Variants in SACM1L observed in about 807,000 individuals in gnomAD.
SACM1L encodes phosphatidylinositol-3-phosphatase SAC1.
In SACM1L, 32 loss-of-function variants were observed where a neutral mutation model predicts 89.5. That is an observed-to-expected ratio of 0.36 (90% CI 0.27 to 0.48). The LOEUF (loss-of-function observed/expected upper bound fraction) is 0.48, where lower values mean the gene tolerates loss of function less well. Ranked by LOEUF, SACM1L falls within the 20% of genes least tolerant of loss-of-function variation. The pLI, the probability that SACM1L is intolerant of heterozygous loss-of-function variation, is 0.99. For missense variants in SACM1L, 543 were observed against 708.5 expected (o/e 0.77, Z 2.65); for synonymous variants, 213 against 232.8 (o/e 0.92, Z 0.77).
intron 1 of SACM1L, among the ~76,000 whole-genome samples, chr3:45,697,205 T>C (rs1009889410): frequency 1.3e-5 from 2 of 151,908 alleles, no homozygotes; most frequent in African/African-American, 4.8e-5. Context: ...TCTCGCTGTG[T>C]TGACCAGGCT....
chr3:45,691,411 G>A (rs1284190961), intron 1 of SACM1L, among the ~76,000 whole-genome samples: 1 of 152,150 alleles, frequency 6.6e-6, no homozygotes, highest in African/African-American at 2.4e-5. Flanking sequence ...CTGCCCTAAG[G>A]AGTATTCTTT....
chr3:45,712,053 A>T (rs1698542229), intron 5 of SACM1L, among the ~76,000 whole-genome samples: 1 of 152,204 alleles, frequency 6.6e-6, no homozygotes, highest in Non-Finnish European at 1.5e-5. Context: ...CTATATAATG[A>T]TGAAATAATA....
In SACM1L at chr3:45,718,540, T is replaced by G. The variant is rs186023974; in HGVS notation, c.578-960T>G. Among the ~76,000 whole-genome samples the G allele has an allele frequency of 2.0e-5, 3 of 152,292 alleles. No homozygotes were observed. In the East Asian group the frequency reaches 5.8e-4, roughly 29 times the overall value. ...TTGCCTTTTTGGTCATTTTTAGATGTGTAATTCAGTGAGTGGCATTAATTT... is the reference window on the plus strand; with the variant it reads ...TTGCCTTTTTGGTCATTTTTAGATGGGTAATTCAGTGAGTGGCATTAATTT... On this transcript the variant is annotated intron_variant, in intron 7 of 19. Transcript: ENST00000389061.
At chr3:45,742,118 C>T (rs1430707448) in intron 19 of SACM1L, among the ~76,000 whole-genome samples, 1 of 152,230 alleles carries the variant, frequency 6.6e-6, no homozygotes, top group Non-Finnish European at 1.5e-5. Flanking sequence ...ACCAAGAACT[C>T]TGCTTGAATG....
chr3:45,719,462 T>G, intron 7 of SACM1L, 38 bp from the exon 8 acceptor site: 2 of 1,163,826 alleles, frequency 1.7e-6, no homozygotes, highest in Non-Finnish European at 2.5e-6. Flanking sequence ...ATGCTTATGA[T>G]TTCTATTATA....
At chr3:45,736,603 A>G (rs1319369327) in intron 14 of SACM1L, among the ~76,000 whole-genome samples, 2 of 152,176 alleles carry the variant, frequency 1.3e-5, no homozygotes, top group East Asian at 1.9e-4. Flanking sequence ...GTATTGTGCT[A>G]TGTCCTCGTC....
chr3:45,695,411 C>T (rs1375975125), intron 1 of SACM1L, among the ~76,000 whole-genome samples: 2 of 152,040 alleles, frequency 1.3e-5, no homozygotes, highest in African/African-American at 4.8e-5. Flanking sequence ...CAGGCATGCA[C>T]CACCAGGCCC....
rs115958450 is a variant in SACM1L at position 45,735,567 on chromosome 3, A to G, written c.1239+194A>G. ...TGTATGCACAGTTTTCACTTTTGCC[A>G]TTTTCCCTTAGCATTTATGTAATCA... On this transcript the variant is annotated intron_variant, in intron 14 of 19. Transcript: ENST00000389061. 6.6e-3 allele frequency among the ~76,000 whole-genome samples: 1,002 copies of G among 151,850 alleles called. 11 individuals carry two copies. The highest frequency in any genetic ancestry group is 0.023 in the African/African-American group (937 of 41,388).
rs1018855941 is a variant in SACM1L at position 45,744,815 on chromosome 3, C to T, written c.*1146C>T. On this transcript the variant is annotated 3_prime_UTR_variant, in exon 20 of 20. Coordinates refer to ENST00000389061, the MANE Select transcript of SACM1L (RefSeq NM_014016.5). ...TAATTAAGAGATTTAAATATTAGAA[C>T]GGTATGTAAGGTAGTATAATTACCA... 1 of 150,228 alleles carries T rather than the reference C, an allele frequency of 6.7e-6. No homozygotes were observed. Among genetic ancestry groups the T allele is most frequent in the East Asian group, 1.9e-4 (1 of 5,164 alleles). 9.3% of individuals were successfully genotyped at this position (150,228 alleles called of 1,614,324 possible). A position where few individuals can be genotyped will look rare whatever the true frequency, so the allele number is the denominator to read the frequency against.
At chr3:45,703,221 T>C (rs954786733) in intron 1 of SACM1L, among the ~76,000 whole-genome samples, 5 of 152,180 alleles carry the variant, frequency 3.3e-5, no homozygotes, top group African/African-American at 9.7e-5. Flanking sequence ...ATATGTTAAA[T>C]TGATGGTTTC....
At chr3:45,693,618 C>T (rs945400719) in intron 1 of SACM1L, among the ~76,000 whole-genome samples, 4 of 152,204 alleles carry the variant, frequency 2.6e-5, no homozygotes, top group African/African-American at 7.2e-5. Flanking sequence ...CCTTGGAATA[C>T]GGCTGGTCCA....
In SACM1L at chr3:45,703,438, G is replaced by T; in HGVS notation, c.33G>T (p.Leu11=). 2 of 1,602,114 alleles carry T rather than the reference G, an allele frequency of 1.2e-6. No individual in the cohort carries two copies. Among genetic ancestry groups the T allele is most frequent in the Non-Finnish European group, 8.5e-7 (1 of 1,169,658 alleles). The change falls in exon 2 of 20, where the codon CTG becomes CTT. Residue 11 remains leucine, a splice_region_variant and synonymous_variant. Coordinates refer to ENST00000389061, the MANE Select transcript of SACM1L (RefSeq NM_014016.5). The part of the protein sequence containing the change: MATAAYEQLK[L]HITPEKFYVE... ...ATTTATGTTTTACATTTCTTCTTAG[G>T]CATATCACACCTGAAAAATTTTATG...
chr3:45,690,810 TCTTCCACTGC>T (rs1426183511), intron 1 of SACM1L, among the ~76,000 whole-genome samples: 38 of 152,342 alleles, frequency 2.5e-4, no homozygotes, highest in African/African-American at 8.7e-4. Flanking sequence ...GAAGGAAGTG[TCTTCCACTGC>T]GTTTCTGGCC....
rs1333375781 is a variant in SACM1L, at chr3:45,744,734, A to G, written c.*1065A>G. 2.0e-5 allele frequency: 3 copies of G among 152,700 alleles called. No individual in the cohort carries two copies. Among genetic ancestry groups the G allele is most frequent in the African/African-American group, 7.2e-5 (3 of 41,470 alleles). 9.5% of individuals were successfully genotyped at this position (152,700 alleles called of 1,614,324 possible). A position where few individuals can be genotyped will look rare whatever the true frequency, so the allele number is the denominator to read the frequency against. ...TTGTGCAAAAACAAACCTGAAAAAT[A>G]TGCTTCGGAAACTGTGCATAGTTCT... On this transcript the variant is annotated 3_prime_UTR_variant, in exon 20 of 20. Transcript: ENST00000389061.
In SACM1L at chr3:45,689,509, G is replaced by A; in HGVS notation, c.32+12G>A. The A allele has an allele frequency of 1.3e-6, 2 of 1,574,864 alleles. No homozygotes were observed. The highest frequency in any genetic ancestry group is 1.7e-6 in the Non-Finnish European group (2 of 1,161,052). On this transcript the variant is annotated intron_variant, in intron 1 of 19. Coordinates refer to ENST00000389061, the MANE Select transcript of SACM1L (RefSeq NM_014016.5). ...GAGCAGCTGAAGCTGTGAGTCCCAC[G>A]GGCCAGAGGCCTGAGGCGCGGCGGG...
rs575976399 is a variant in SACM1L, at chr3:45,709,643, A to G, written c.479A>G (p.Glu160Gly). The change falls in exon 5 of 20, where the codon GAA becomes GGA. Residue 160 changes from glutamate to glycine, a missense_variant. Transcript: ENST00000389061. ...SPEFQEMSLL[E>G]RADQRFVWNG... ...GAATTCCAAGAAATGAGTCTCTTGG[A>G]AAGGGTAAGCTTGATCTTCAATTAT... The G allele has an allele frequency of 6.2e-7, 1 of 1,612,170 alleles. No individual in the cohort carries two copies. The highest frequency in any genetic ancestry group is 8.5e-7 in the Non-Finnish European group (1 of 1,179,222).
intron 1 of SACM1L, chr3:45,690,247 CAT>C (rs1406165377): frequency 7.2e-5 from 11 of 152,304 alleles, no homozygotes; most frequent in African/African-American, 2.2e-4. Flanking sequence ...TTAAAAACAA[CAT>C]GTGTTTATTT....
intron 13 of SACM1L, chr3:45,734,446 AG>A (rs1699152929): frequency 6.6e-6 from 1 of 151,990 alleles, no homozygotes; most frequent in Non-Finnish European, 1.5e-5. Flanking sequence ...AATATTTTTA[AG>A]TATTTAAAAA....
intron 11 of SACM1L, among the ~76,000 whole-genome samples, chr3:45,724,816 G>C (rs1698880018): frequency 6.6e-6 from 1 of 152,068 alleles, no homozygotes; most frequent in Admixed American, 6.6e-5. Context: ...TTTCGTGTAT[G>C]TGTGTCTGTG....
Sources: gnomAD v4.1 joint callset for allele counts (sites outside exome capture counted in the v4.1 genomes callset) on GRCh38, gnomAD v4.1.1 for gene constraint, MANE v1.5 for transcripts, NCBI Gene and HGNC (gene_info 2026-07-23, HGNC 2026-07-21) for gene names.